SMYD3: variants seen among roughly 807,000 people sequenced by gnomAD.
SMYD3 encodes SET and MYND domain containing 3, also known as histone-lysine N-methyltransferase SMYD3.
A neutral mutation model predicts 57.7 loss-of-function variants in SMYD3; 36 were observed. That is an observed-to-expected ratio of 0.62 (90% CI 0.48 to 0.82). The LOEUF is 0.82. SMYD3 is among the 40% of genes least tolerant of loss of function. The pLI, the probability that SMYD3 is intolerant of heterozygous loss-of-function variation, is 0.00. For synonymous variants in SMYD3, 211 were observed against 195.0 expected (o/e 1.08, Z -0.68); for missense variants, 515 against 538.8 (o/e 0.96, Z 0.44).
intron 8 of SMYD3, among the ~76,000 whole-genome samples, chr1:245,897,895 T>TC (rs945940650): frequency 6.8e-6 from 1 of 147,782 alleles, no homozygotes; most frequent in Admixed American, 6.7e-5. Context: ...TGAGACTGTC[T>TC]CCAAAAAAAA....
intron 5 of SMYD3, among the ~76,000 whole-genome samples, chr1:246,042,285 TAAG>T (rs1572933500): frequency 6.6e-6 from 1 of 152,190 alleles, no homozygotes; most frequent in African/African-American, 2.4e-5. Flanking sequence ...CTAAATATTT[TAAG>T]AATGGAGAGA....
chr1:246,255,300 ATT>A (rs1441929085), intron 5 of SMYD3, among the ~76,000 whole-genome samples: 1 of 115,586 alleles, frequency 8.7e-6, no homozygotes, highest in East Asian at 4.4e-4. Flanking sequence ...GATGGATCTT[ATT>A]ATTTGATGGA....
At chr1:246,320,985 C>T (rs567685403) in intron 5 of SMYD3, among the ~76,000 whole-genome samples, 21 of 152,328 alleles carry the variant, frequency 1.4e-4, no homozygotes, top group African/African-American at 3.6e-4. Context: ...ACATTTCCCA[C>T]GTGAAATTCC....
chr1:246,060,805 A>G (rs1263517099), intron 5 of SMYD3, among the ~76,000 whole-genome samples: 2 of 152,128 alleles, frequency 1.3e-5, no homozygotes, highest in African/African-American at 4.8e-5. Context: ...GTCTGAGGAG[A>G]CAGTCACTCT....
At chr1:245,869,095 G>GA (rs766866264) in intron 8 of SMYD3, among the ~76,000 whole-genome samples, 36 of 148,854 alleles carry the variant, frequency 2.4e-4, no homozygotes, top group African/African-American at 6.4e-4. Context: ...AGTTATTCAG[G>GA]AAAAAAAAAA....
chr1:246,503,317 G>A (rs1393772730), intron 1 of SMYD3, among the ~76,000 whole-genome samples: 1 of 152,156 alleles, frequency 6.6e-6, no homozygotes, highest in Admixed American at 6.6e-5. Context: ...TTACCCTACA[G>A]AAGAAACTAT....
rs1572844396 is a variant in SMYD3 at position 245,984,052 on chromosome 1, T to G, written c.532-54115A>C. ...TTCGCTCTTGTTGCCCAGGCTGGAGTGCAATGGCGCGGTCTCGGCTCACTG... is the reference window on the plus strand; with the variant it reads ...TTCGCTCTTGTTGCCCAGGCTGGAGGGCAATGGCGCGGTCTCGGCTCACTG... On this transcript the variant is annotated intron_variant, in intron 5 of 11. Coordinates refer to ENST00000490107, the MANE Select transcript of SMYD3 (RefSeq NM_001167740.2). 2.7e-5 allele frequency among the ~76,000 whole-genome samples: 4 copies of G among 148,390 alleles called. No individual in the cohort carries two copies. The South Asian group carries it at 6.5e-4, about 24-fold the overall frequency.
chr1:245,913,156 T>G (rs559878007), intron 8 of SMYD3, among the ~76,000 whole-genome samples: 25 of 152,190 alleles, frequency 1.6e-4, no homozygotes, highest in African/African-American at 6.0e-4. Flanking sequence ...ATGTGGCACA[T>G]ATACACCATG....
chr1:245,810,360 A>G (rs933251655), intron 10 of SMYD3, among the ~76,000 whole-genome samples: 10 of 152,072 alleles, frequency 6.6e-5, no homozygotes, highest in African/African-American at 1.9e-4. Context: ...GACCCCCATG[A>G]CTCTGGCGCC....
intron 5 of SMYD3, among the ~76,000 whole-genome samples, chr1:246,148,220 G>T (rs2061887083): frequency 6.6e-6 from 1 of 152,126 alleles, no homozygotes; most frequent in African/African-American, 2.4e-5. Flanking sequence ...GTCCATAAAA[G>T]CCTCAGGCTC....
At chr1:246,039,675 C>T (rs2059835395) in intron 5 of SMYD3, among the ~76,000 whole-genome samples, 1 of 152,106 alleles carries the variant, frequency 6.6e-6, no homozygotes, top group Admixed American at 6.5e-5. Flanking sequence ...TAACTGGCGA[C>T]AGTTTAGTTG....
intron 1 of SMYD3, among the ~76,000 whole-genome samples, chr1:246,383,458 G>A (rs932790004): frequency 2.6e-5 from 4 of 152,114 alleles, no homozygotes; most frequent in African/African-American, 7.2e-5. Flanking sequence ...ATGTCTAGGT[G>A]ATTCATATTG....
intron 5 of SMYD3, among the ~76,000 whole-genome samples, chr1:246,006,471 G>A (rs951834349): frequency 5.3e-5 from 8 of 152,196 alleles, no homozygotes; most frequent in Non-Finnish European, 1.2e-4. Context: ...GATAATGTGA[G>A]AAGCCCTTAC....
chr1:245,913,771 C>G (rs1197601677), intron 8 of SMYD3, among the ~76,000 whole-genome samples: 1 of 151,972 alleles, frequency 6.6e-6, no homozygotes, highest in Non-Finnish European at 1.5e-5. Flanking sequence ...TCAAACAACT[C>G]AACAGCAAAA....
At chr1:246,104,854 T>C (rs1206741818) in intron 5 of SMYD3, among the ~76,000 whole-genome samples, 1 of 152,116 alleles carries the variant, frequency 6.6e-6, no homozygotes, top group Non-Finnish European at 1.5e-5. Context: ...TCCTATATCA[T>C]TTTTTAAATA....
intron 1 of SMYD3, among the ~76,000 whole-genome samples, chr1:246,425,343 C>T (rs932773104): frequency 6.6e-6 from 1 of 152,198 alleles, no homozygotes; most frequent in Non-Finnish European, 1.5e-5. Flanking sequence ...ATAACAAAGA[C>T]CACAGAGTAC....
chr1:246,369,726 C>T lies in SMYD3; in HGVS notation c.165-14632G>A, dbSNP rs867658853. 2.6e-5 allele frequency among the ~76,000 whole-genome samples: 4 copies of T among 152,052 alleles called. No individual in the cohort carries two copies. The South Asian group carries it at 8.3e-4, about 32-fold the overall frequency. On this transcript the variant is annotated intron_variant, in intron 1 of 11. Coordinates refer to ENST00000490107, the MANE Select transcript of SMYD3 (RefSeq NM_001167740.2). ...AATTATTTGTAGAGACAGGGTCTCCCTATGTTGCCCAGGCTAGTCTCAAAC... is the reference window on the plus strand; with the variant it reads ...AATTATTTGTAGAGACAGGGTCTCCTTATGTTGCCCAGGCTAGTCTCAAAC...
chr1:246,165,478 A>G (rs1429388867), intron 5 of SMYD3, among the ~76,000 whole-genome samples: 3 of 152,176 alleles, frequency 2.0e-5, no homozygotes, highest in African/African-American at 4.8e-5. Flanking sequence ...TGAGCTCTAG[A>G]AAACAGGAAA....
intron 5 of SMYD3, among the ~76,000 whole-genome samples, chr1:245,996,364 G>C (rs541767948): frequency 1.3e-4 from 20 of 152,346 alleles, no homozygotes; most frequent in Non-Finnish European, 2.9e-4. Context: ...AGTGGGCTGG[G>C]ATTAGGGGTA....
Sources: gnomAD v4.1 joint callset for allele counts (sites outside exome capture counted in the v4.1 genomes callset) on GRCh38, gnomAD v4.1.1 for gene constraint, MANE v1.5 for transcripts, NCBI Gene and HGNC (gene_info 2026-07-23, HGNC 2026-07-21) for gene names.